The following PRDM5 variants were observed in gnomAD, a reference collection of about 807,000 sequenced individuals.
The protein encoded by PRDM5 is PR/SET domain 5.
PRDM5 carries 56 observed loss-of-function variants against 81.2 expected under a neutral mutation model. The ratio of observed to expected loss-of-function variants is 0.69; its 90% CI spans 0.56 to 0.86. PRDM5 has a LOEUF of 0.86. PRDM5 is among the 40% of genes least tolerant of loss of function. The pLI, the probability that PRDM5 is intolerant of heterozygous loss-of-function variation, is 0.00. For synonymous variants in PRDM5, 267 were observed against 256.4 expected (o/e 1.04, Z -0.39); for missense variants, 697 against 770.1 (o/e 0.91, Z 1.12).
chr4:120,777,205 T>C lies in PRDM5; in HGVS notation c.1520A>G (p.His507Arg), dbSNP rs1330848707. Reference sequence around the variant, plus strand: ...CTCCATACCTGTGTGGCTCCGGATATGAACTCTGAGTGTACCACTGCTGGC... The same window carrying C: ...CTCCATACCTGTGTGGCTCCGGATACGAACTCTGAGTGTACCACTGCTGGC... Reference protein sequence around the residue: ...KFASSGTLRVHIRSHTGERPY... With the variant: ...KFASSGTLRVRIRSHTGERPY... Residue 507 changes from histidine (H) to arginine (R), a missense_variant, in exon 13 of 16, where the codon CAT becomes CGT. By Grantham distance (29) the His-to-Arg change is conservative. This residue lies in a region of PRDM5 where 86 missense variants were observed against 135.2 expected (regional missense o/e 0.64). Coordinates refer to ENST00000264808, the MANE Select transcript of PRDM5 (RefSeq NM_018699.4). 6.2e-7 allele frequency: 1 copy of C among 1,613,324 alleles called. No homozygotes were observed. The highest frequency in any genetic ancestry group is 8.5e-7 in the Non-Finnish European group (1 of 1,179,556).
Position 120,774,902 on chromosome 4 carries a change from A to ATATATGTATATGTATATG in PRDM5, c.1537+2268_1537+2285dup, listed in dbSNP as rs774292900. On this transcript the variant is annotated intron_variant, in intron 13 of 15. Coordinates refer to ENST00000264808, the MANE Select transcript of PRDM5 (RefSeq NM_018699.4). ...TCTCTCTCTTTCTATATATATATAT[A>ATATATGTATATGTATATG]TATATGTATATGTATATGTATATAT... Among the ~76,000 whole-genome samples, 229 of 146,050 alleles carry ATATATGTATATGTATATG rather than the reference A, an allele frequency of 1.6e-3. 1 individual carries two copies. Among genetic ancestry groups the ATATATGTATATGTATATG allele is most frequent in the East Asian group, 2.4e-3 (12 of 5,060 alleles).
At chr4:120,874,670 T>C (rs1007610653) in intron 2 of PRDM5, among the ~76,000 whole-genome samples, 2 of 152,122 alleles carry the variant, frequency 1.3e-5, no homozygotes, top group Non-Finnish European at 2.9e-5. Context: ...TAGGACAAGA[T>C]TGATTACTAT....
At chr4:120,685,042 G>A (rs184742138) in intron 1 of PRDM5, 9 of 152,044 alleles carry the variant, frequency 5.9e-5, no homozygotes, top group Admixed American at 5.9e-4. Flanking sequence ...AAGGAAAGAT[G>A]TATTCAGATT....
intron 15 of PRDM5, among the ~76,000 whole-genome samples, chr4:120,703,402 T>G (rs939917886): frequency 2.6e-5 from 4 of 152,052 alleles, no homozygotes; most frequent in Non-Finnish European, 1.5e-5. Context: ...GTTGCCCAGA[T>G]TGGTCTTGAA....
intron 13 of PRDM5, among the ~76,000 whole-genome samples, chr4:120,764,604 A>G (rs1746111994): frequency 6.6e-6 from 1 of 152,156 alleles, no homozygotes; most frequent in African/African-American, 2.4e-5. Flanking sequence ...CAGTGGAAGA[A>G]AGGGTACATT....
intron 2 of PRDM5, among the ~76,000 whole-genome samples, chr4:120,904,584 G>A (rs1216303154): frequency 6.6e-6 from 1 of 152,122 alleles, no homozygotes; most frequent in Non-Finnish European, 1.5e-5. Context: ...AGCTCCTTGG[G>A]TAGCAGAGTG....
At chr4:120,869,519 T>C (rs929869869) in intron 2 of PRDM5, among the ~76,000 whole-genome samples, 1 of 152,222 alleles carries the variant, frequency 6.6e-6, no homozygotes, top group Non-Finnish European at 1.5e-5. Context: ...ACAGCTTATA[T>C]AATCTGATAC....
At chr4:120,872,083 G>A (rs547394760) in intron 2 of PRDM5, among the ~76,000 whole-genome samples, 31 of 148,590 alleles carry the variant, frequency 2.1e-4, no homozygotes, top group South Asian at 1.3e-3. Context: ...CCCGGGAGGC[G>A]GAGGTTGCAG....
At chr4:120,741,852 G>A (rs1380806490) in intron 14 of PRDM5, among the ~76,000 whole-genome samples, 3 of 152,200 alleles carry the variant, frequency 2.0e-5, no homozygotes, top group Admixed American at 1.3e-4. Flanking sequence ...GGCTGGGGGA[G>A]GGGTGCCCAC....
At chr4:120,887,831 C>T (rs1429349551) in intron 2 of PRDM5, among the ~76,000 whole-genome samples, 1 of 47,164 alleles carries the variant, frequency 2.1e-5, no homozygotes, top group Non-Finnish European at 3.3e-5. Flanking sequence ...CTCGCTCTGT[C>T]GCCCAGGCTG....
At chr4:120,742,203 C>G (rs868410111) in intron 14 of PRDM5, among the ~76,000 whole-genome samples, 1 of 152,144 alleles carries the variant, frequency 6.6e-6, no homozygotes, top group Non-Finnish European at 1.5e-5. Flanking sequence ...CTCCAACAGA[C>G]CTGAAGCTGA....
intron 10 of PRDM5, among the ~76,000 whole-genome samples, chr4:120,791,476 T>G (rs1312726425): frequency 6.6e-6 from 1 of 152,138 alleles, no homozygotes; most frequent in African/African-American, 2.4e-5. Flanking sequence ...ACAAAAACAT[T>G]AGTGTGAAAT....
chr4:120,756,737 T>G (rs998202607), intron 13 of PRDM5, among the ~76,000 whole-genome samples: 4 of 152,222 alleles, frequency 2.6e-5, no homozygotes, highest in African/African-American at 9.6e-5. Context: ...AAAAAGTCAT[T>G]TTTTAGATTT....
intron 14 of PRDM5, among the ~76,000 whole-genome samples, chr4:120,742,429 G>A (rs1311020047): frequency 6.6e-6 from 1 of 152,216 alleles, no homozygotes; most frequent in Non-Finnish European, 1.5e-5. Context: ...GCTGGACGGA[G>A]AATGACTTTG....
chr4:120,708,242 T>A (rs1736480553), intron 15 of PRDM5, among the ~76,000 whole-genome samples: 1 of 152,068 alleles, frequency 6.6e-6, no homozygotes, highest in South Asian at 2.1e-4. Context: ...TAGAAAGAAG[T>A]GTCCAACAAC....
At chr4:120,721,968 T>C (rs843569) in intron 14 of PRDM5, among the ~76,000 whole-genome samples, 108,725 of 152,076 alleles carry the variant, frequency 0.71, 40,034 homozygotes, top group East Asian at 0.85. Context: ...AGAGACAGAG[T>C]TGTCCGTCTT....
chr4:120,842,348 GCTTT>G (rs1367585499), intron 3 of PRDM5, among the ~76,000 whole-genome samples: 1 of 152,166 alleles, frequency 6.6e-6, no homozygotes, highest in Non-Finnish European at 1.5e-5. Context: ...GGAAGCATTT[GCTTT>G]CTGTTATTTT....
chr4:120,714,718 C>T (rs189674231), intron 14 of PRDM5, among the ~76,000 whole-genome samples: 19 of 152,176 alleles, frequency 1.2e-4, no homozygotes, highest in Admixed American at 7.9e-4. Context: ...AGTGAGGACA[C>T]GTTTGGTGGT....
At chr4:120,698,841 T>A (rs1306409872) in intron 15 of PRDM5, among the ~76,000 whole-genome samples, 1 of 152,074 alleles carries the variant, frequency 6.6e-6, no homozygotes, top group Non-Finnish European at 1.5e-5. Context: ...CATGAAGACA[T>A]CTAATCGTCT....
Sources: gnomAD v4.1 joint callset for allele counts (sites outside exome capture counted in the v4.1 genomes callset) on GRCh38, gnomAD v4.1.1 for gene constraint, gnomAD v4.1.1 regional missense constraint, MANE v1.5 for transcripts, NCBI Gene and HGNC (gene_info 2026-07-23, HGNC 2026-07-21) for gene names.